Variants in TBCK observed in about 807,000 individuals in gnomAD.
TBCK encodes the protein TBC1 domain containing kinase.
Under a neutral mutation model 113.4 loss-of-function variants are expected in TBCK, and 99 were observed. The ratio of observed to expected loss-of-function variants is 0.87; its 90% confidence interval spans 0.74 to 1.03. TBCK has a LOEUF of 1.03. Among genes scored for constraint, TBCK ranks in the 50% least tolerant of loss-of-function variants. The pLI, the probability that TBCK is intolerant of heterozygous loss-of-function variation, is 0.00. For synonymous variants in TBCK, 369 were observed against 370.8 expected, an observed-to-expected ratio of 1.00 and a Z score of 0.05; for missense variants, 1,045 against 1,061.3, an observed-to-expected ratio of 0.98 and a Z score of 0.21.
intron 23 of TBCK, among the ~76,000 whole-genome samples, chr4:106,140,273 A>G (rs1393425167): frequency 7.1e-6 from 1 of 140,972 alleles, no homozygotes; most frequent in Non-Finnish European, 1.6e-5. Flanking sequence ...ATTTCAACAC[A>G]TATATTTTAT....
intron 25 of TBCK, among the ~76,000 whole-genome samples, chr4:106,061,475 T>C (rs945003748): frequency 6.6e-6 from 1 of 151,034 alleles, no homozygotes; most frequent in Non-Finnish European, 1.5e-5. Flanking sequence ...CATTTTTTGA[T>C]TAAGGTATGT....
At chr4:106,123,171 A>G (rs1018395481) in intron 23 of TBCK, among the ~76,000 whole-genome samples, 2 of 152,242 alleles carry the variant, frequency 1.3e-5, no homozygotes, top group African/African-American at 4.8e-5. Context: ...AAGCAACTTC[A>G]GCAAAGTCTC....
chr4:106,248,819 C>T (rs921572423), intron 8 of TBCK, 102 bp downstream of exon 8: 4 of 924,786 alleles, frequency 4.3e-6, no homozygotes, highest in Non-Finnish European at 6.4e-6. Context: ...TTCCTAGTTT[C>T]AATAACTGTG....
rs114232466 is a variant in TBCK, at chr4:106,082,350, G to A, written c.2571+13132C>T. On this transcript the variant is annotated intron_variant, in intron 25 of 25. Coordinates refer to ENST00000394708, the MANE Select transcript of TBCK (RefSeq NM_001163435.3). ...CTAATGCAGGAACAGAAAACCAAAC[G>A]CTACATGTTGTCACTTATAAGTGGG... 2.3e-3 allele frequency among the ~76,000 whole-genome samples: 351 copies of A among 152,224 alleles called. 1 individual carries two copies. The highest frequency in any genetic ancestry group is 8.0e-3 in the African/African-American group (333 of 41,538).
rs1014864098 is a variant in TBCK, at chr4:106,270,079, G to A, written c.267-7867C>T. On this transcript the variant is annotated intron_variant, in intron 3 of 25. Transcript: ENST00000394708. ...GCACAGAATCTTAATCATCTTAAAA[G>A]CAAAACAAAATAAACAAAAAGTCCA... 3.3e-5 allele frequency among the ~76,000 whole-genome samples: 5 copies of A among 152,136 alleles called. 1 individual carries two copies. Among genetic ancestry groups the A allele is most frequent in the Middle Eastern group, 6.8e-3 (2 of 294 alleles).
At chr4:106,132,806 G>A (rs1746111717) in intron 23 of TBCK, among the ~76,000 whole-genome samples, 1 of 152,204 alleles carries the variant, frequency 6.6e-6, no homozygotes, top group South Asian at 2.1e-4. Context: ...AGATCATTAT[G>A]GAACTTAAAG....
At chr4:106,248,376 T>G in intron 8 of TBCK, 70 bp from the exon 9 acceptor site, 1 of 1,143,954 alleles carries the variant, frequency 8.7e-7, no homozygotes, top group Non-Finnish European at 1.2e-6. Context: ...TTCAAATGTT[T>G]GCTAATCTAG....
intron 2 of TBCK, among the ~76,000 whole-genome samples, chr4:106,298,532 C>T (rs1409799501): frequency 6.6e-6 from 1 of 151,826 alleles, no homozygotes; most frequent in African/African-American, 2.4e-5. Flanking sequence ...ATGGCATGAA[C>T]CCGGGAGGCA....
chr4:106,179,222 G>T (rs1752045690), intron 22 of TBCK, among the ~76,000 whole-genome samples: 1 of 151,780 alleles, frequency 6.6e-6, no homozygotes, highest in African/African-American at 2.4e-5. Flanking sequence ...CTTTTGTATT[G>T]TTTTCTTAGC....
chr4:106,125,273 C>T (rs1282556609), intron 23 of TBCK, among the ~76,000 whole-genome samples: 1 of 152,108 alleles, frequency 6.6e-6, no homozygotes, highest in Admixed American at 6.6e-5. Flanking sequence ...ATATGCACTC[C>T]CATGTTCATT....
chr4:106,100,123 T>C (rs1224107126), intron 24 of TBCK, among the ~76,000 whole-genome samples: 1 of 152,186 alleles, frequency 6.6e-6, no homozygotes, highest in Non-Finnish European at 1.5e-5. Flanking sequence ...TCCCACAGTA[T>C]CTGTACATAT....
chr4:106,232,816 C>A, intron 17 of TBCK, 122 bp downstream of exon 17: 3 of 921,396 alleles, frequency 3.3e-6, no homozygotes, highest in Middle Eastern at 2.7e-4. Context: ...AAAAATGAAT[C>A]AGAGCGTCAA....
At chr4:106,198,067 A>G (rs1323458961) in intron 20 of TBCK, among the ~76,000 whole-genome samples, 1 of 152,124 alleles carries the variant, frequency 6.6e-6, no homozygotes, top group Non-Finnish European at 1.5e-5. Context: ...CTGCATACCA[A>G]ATTAAGTACA....
At chr4:106,232,093 C>T (rs1758916021) in intron 17 of TBCK, among the ~76,000 whole-genome samples, 1 of 151,710 alleles carries the variant, frequency 6.6e-6, no homozygotes, top group Non-Finnish European at 1.5e-5. Flanking sequence ...AATGTACAAT[C>T]TTGGCAATTA....
At chr4:106,197,411 G>GTATATATATATATATATATATATA (rs1553957897) in intron 20 of TBCK, among the ~76,000 whole-genome samples, 1 of 122,446 alleles carries the variant, frequency 8.2e-6, no homozygotes, top group African/African-American at 3.1e-5. Flanking sequence ...GTGTGTGTGT[G>GTATATATATATATATATATATATA]TATATATATA....
chr4:106,130,629 C>CCA (rs1553937235), intron 23 of TBCK, among the ~76,000 whole-genome samples: 1 of 144,730 alleles, frequency 6.9e-6, no homozygotes, highest in African/African-American at 2.6e-5. Flanking sequence ...CACACACACA[C>CCA]CACACAGAAA....
chr4:106,062,699 CA>C (rs2149463074), intron 25 of TBCK, among the ~76,000 whole-genome samples: 1 of 151,872 alleles, frequency 6.6e-6, no homozygotes, highest in East Asian at 1.9e-4. Flanking sequence ...CTGTGGAGTA[CA>C]GGGTGGGTAT....
chr4:106,232,719 A>G (rs1013016416), intron 17 of TBCK, among the ~76,000 whole-genome samples: 1 of 151,992 alleles, frequency 6.6e-6, no homozygotes. Flanking sequence ...TTGCTAATCA[A>G]CTTGTATATT....
rs554610855 is a variant in TBCK at position 106,197,830 on chromosome 4, G to A, written c.1861-3076C>T. The stretch of plus-strand genomic sequence containing the variant: ...AGAAAAATCTTAGGTATAAAAGTAA[G>A]TCTGATAGATATTATTTTTACAAGG... On this transcript the variant is annotated intron_variant, in intron 20 of 25. Coordinates refer to ENST00000394708, the MANE Select transcript of TBCK (RefSeq NM_001163435.3). Among the ~76,000 whole-genome samples, 15 of 152,142 alleles carry A rather than the reference G, an allele frequency of 9.9e-5. No homozygotes were observed. The East Asian group carries it at 1.9e-3, about 20-fold the overall frequency.
Sources: gnomAD v4.1 joint callset for allele counts (sites outside exome capture counted in the v4.1 genomes callset) on GRCh38, gnomAD v4.1.1 for gene constraint, MANE v1.5 for transcripts, NCBI Gene and HGNC (gene_info 2026-07-23, HGNC 2026-07-21) for gene names.